The following PKP1 variants were observed in gnomAD, a reference collection of about 807,000 sequenced individuals.
PKP1 encodes plakophilin-1.
In PKP1, 27 loss-of-function variants were observed where a neutral mutation model predicts 76.4. The ratio of observed to expected loss-of-function variants is 0.35; its 90% CI spans 0.26 to 0.49. The LOEUF is 0.49. Ranked by LOEUF, PKP1 falls within the 20% of genes least tolerant of loss-of-function variation. PKP1 has a pLI of 0.99. For synonymous variants in PKP1, 404 were observed against 384.2 expected, an observed-to-expected ratio of 1.05 and a Z score of -0.60; for missense variants, 964 against 955.2, an observed-to-expected ratio of 1.01 and a Z score of -0.12.
Position 201,308,883 on chromosome 1 carries a change from G to T in PKP1, c.307-4283G>T, listed in dbSNP as rs554424087. 1.4e-3 allele frequency among the ~76,000 whole-genome samples: 207 copies of T among 152,280 alleles called. 1 individual carries two copies. Among genetic ancestry groups the T allele is most frequent in the Admixed American group, 2.4e-3 (36 of 15,296 alleles). On this transcript the variant is annotated intron_variant, in intron 2 of 13. Coordinates refer to ENST00000367324, the MANE Select transcript of PKP1 (RefSeq NM_001005337.3). ...CCCTGGGGGCTGGGCAGGGGCCAGT[G>T]GGGGGCACTGGAGTGGCCTGGTGGT...
At chr1:201,299,918 CCTCTCGT>C (rs1397262603) in intron 2 of PKP1, among the ~76,000 whole-genome samples, 2 of 152,236 alleles carry the variant, frequency 1.3e-5, no homozygotes, top group Non-Finnish European at 2.9e-5. Context: ...GCCTGCCGGG[CCTCTCGT>C]CTTTTCTTGA....
At chr1:201,316,375 T>C in intron 3 of PKP1, 178 bp from the exon 4 acceptor site, 1 of 633,990 alleles carries the variant, frequency 1.6e-6, no homozygotes, top group African/African-American at 1.8e-5. Context: ...CCTTCCCTCC[T>C]CTGGAGGAGA....
At chr1:201,294,826 A>C (rs1156912866) in intron 2 of PKP1, among the ~76,000 whole-genome samples, 1 of 152,210 alleles carries the variant, frequency 6.6e-6, no homozygotes. Context: ...ATATTTATTG[A>C]GCCCTAATTC....
chr1:201,319,068 T>A (rs1346662853), intron 6 of PKP1, among the ~76,000 whole-genome samples: 1 of 152,148 alleles, frequency 6.6e-6, no homozygotes, highest in Non-Finnish European at 1.5e-5. Flanking sequence ...ATATCCAAAC[T>A]GGTTCAACCA....
chr1:201,304,593 G>A (rs570976068), intron 2 of PKP1, among the ~76,000 whole-genome samples: 22 of 152,238 alleles, frequency 1.4e-4, no homozygotes, highest in Non-Finnish European at 2.9e-4. Flanking sequence ...ACCTCCCACA[G>A]TTGGCTCAAA....
intron 10 of PKP1, 35 bp downstream of exon 10, chr1:201,324,616 G>C: frequency 1.2e-6 from 2 of 1,611,424 alleles, no homozygotes; most frequent in African/African-American, 2.7e-5. Flanking sequence ...CTCTAGCTAA[G>C]ACATGGCAGG....
At chr1:201,317,545 G>C (rs767333456) in intron 4 of PKP1, 27 bp from the exon 5 acceptor site, 4 of 1,595,844 alleles carry the variant, frequency 2.5e-6, no homozygotes, top group Middle Eastern at 3.3e-4. Flanking sequence ...CCCTTGACCA[G>C]GCAGCGTGGC....
At position 201,328,490 on chromosome 1, in the gene PKP1, A is replaced by C. The variant is rs1260039124; in HGVS notation, c.2107-272A>C. ...CTGTTTAAAAAATAATACTAGCCTA[A>C]ATCCTCACGCCTTGACTCAGGTTTC... On this transcript the variant is annotated intron_variant, in intron 12 of 13. Transcript: ENST00000367324. 1.7e-5 allele frequency: 9 copies of C among 524,886 alleles called. No homozygotes were observed. In the East Asian group the frequency reaches 3.1e-4, roughly 18 times the overall value. 32.5% of individuals were successfully genotyped at this position (524,886 alleles called of 1,614,324 possible). A position where few individuals can be genotyped will look rare whatever the true frequency, so the allele number is the denominator to read the frequency against.
intron 7 of PKP1, among the ~76,000 whole-genome samples, chr1:201,321,371 AG>A (rs1291945484): frequency 1.3e-5 from 2 of 152,134 alleles, no homozygotes; most frequent in African/African-American, 4.8e-5. Flanking sequence ...AGTCCTTTGG[AG>A]GTTTGCCAAA....
intron 12 of PKP1, among the ~76,000 whole-genome samples, chr1:201,327,423 TGGCCC>T (rs1558197617): frequency 1.3e-5 from 2 of 152,084 alleles, no homozygotes; most frequent in Admixed American, 6.5e-5. Flanking sequence ...CAGCAAAGGG[TGGCCC>T]TTGTTCTCCA....
intron 2 of PKP1, among the ~76,000 whole-genome samples, chr1:201,295,896 A>AC (rs1656056736): frequency 6.6e-6 from 1 of 152,086 alleles, no homozygotes; most frequent in Non-Finnish European, 1.5e-5. Context: ...AGAAAAAAAA[A>AC]AAATCTTCAT....
chr1:201,295,362 G>A (rs1045861368), intron 2 of PKP1, among the ~76,000 whole-genome samples: 10 of 152,076 alleles, frequency 6.6e-5, no homozygotes, highest in East Asian at 1.9e-4. Flanking sequence ...TACTTCCCTC[G>A]CTTTTTTCCT....
intron 11 of PKP1, among the ~76,000 whole-genome samples, chr1:201,325,414 G>A (rs1657087053): frequency 6.6e-6 from 1 of 152,164 alleles, no homozygotes; most frequent in Non-Finnish European, 1.5e-5. Context: ...CAGGAGGCAT[G>A]GGGCAGCAGG....
chr1:201,307,674 C>T (rs1656411222), intron 2 of PKP1, among the ~76,000 whole-genome samples: 1 of 152,174 alleles, frequency 6.6e-6, no homozygotes, highest in Admixed American at 6.5e-5. Context: ...GCAAGATGAA[C>T]AAGGGTCACT....
chr1:201,309,140 T>A (rs1656455820), intron 2 of PKP1, among the ~76,000 whole-genome samples: 1 of 152,110 alleles, frequency 6.6e-6, no homozygotes, highest in Middle Eastern at 3.4e-3. Flanking sequence ...AGGCCCTGGA[T>A]CTGGGGCTTG....
At chr1:201,299,707 T>C (rs1026834495) in intron 2 of PKP1, among the ~76,000 whole-genome samples, 2 of 152,040 alleles carry the variant, frequency 1.3e-5, no homozygotes, top group Non-Finnish European at 2.9e-5. Context: ...AAAACAGCAG[T>C]TAGTTAGCCC....
chr1:201,308,040 T>C (rs942193048), intron 2 of PKP1, among the ~76,000 whole-genome samples: 4 of 152,220 alleles, frequency 2.6e-5, no homozygotes, highest in Admixed American at 6.5e-5. Context: ...ACAGACACTC[T>C]TTTCATCATA....
chr1:201,316,602 G>A lies in PKP1; in HGVS notation c.751G>A (p.Val251Met), dbSNP rs770390936. The A allele has an allele frequency of 1.7e-5, 27 of 1,612,434 alleles. No individual in the cohort carries two copies. Among genetic ancestry groups the A allele is most frequent in the East Asian group, 4.5e-5 (2 of 44,880 alleles). ...ECSGLTIPKA[V>M]QYLSSQDEKY... ...CAGTGGGCTGACCATCCCCAAGGCT[G>A]TGCAGTACCTGAGCTCCCAGGATGA... Residue 251 changes from valine (V) to methionine (M), a missense_variant, in exon 4 of 14, where the codon GTG (valine) becomes ATG (methionine). By Grantham distance (21) the Val-to-Met change is conservative. Transcript: ENST00000367324.
In PKP1 at chr1:201,332,720, C is replaced by T. The variant is rs1657370393; in HGVS notation, c.*2679C>T. ...CCTGACTCCACACTCCTCCTGGGGA[C>T]CCAAGAGGCAGTGTTGCTGTCTGCA... On this transcript the variant is annotated 3_prime_UTR_variant, in exon 14 of 14. Coordinates refer to ENST00000367324, the MANE Select transcript of PKP1 (RefSeq NM_001005337.3). The T allele has an allele frequency of 6.6e-6, 1 of 152,254 alleles. No individual in the cohort carries two copies. The highest frequency in any genetic ancestry group is 6.5e-5 in the Admixed American group (1 of 15,290). The allele number at this position is 152,254 out of a possible 1,614,324, so 9.4% of individuals were successfully genotyped here.
Sources: gnomAD v4.1 joint callset for allele counts (sites outside exome capture counted in the v4.1 genomes callset) on GRCh38, gnomAD v4.1.1 for gene constraint, MANE v1.5 for transcripts, NCBI Gene and HGNC (gene_info 2026-07-23, HGNC 2026-07-21) for gene names.